The following TMEM108 variants were observed in gnomAD, a reference collection of about 807,000 sequenced individuals.
TMEM108 encodes the protein transmembrane protein 108, also known as cancer/testis antigen 124.
TMEM108 carries 12 observed loss-of-function variants against 35.1 expected under a neutral mutation model. The observed-to-expected ratio is 0.34, with a 90% CI of 0.22 to 0.55. TMEM108 has a LOEUF of 0.55. TMEM108 is among the 20% of genes least tolerant of loss of function. The probability of loss-of-function intolerance (pLI) is 0.89; values close to 1 mark genes in which losing one functional copy is unlikely to be tolerated. For missense variants in TMEM108, 680 were observed against 753.3 expected, an observed-to-expected ratio of 0.90 and a Z score of 1.14; for synonymous variants, 287 against 308.6, an observed-to-expected ratio of 0.93 and a Z score of 0.73.
chr3:133,092,632 A>G (rs1442998100), intron 2 of TMEM108, among the ~76,000 whole-genome samples: 1 of 152,184 alleles, frequency 6.6e-6, no homozygotes, highest in African/African-American at 2.4e-5. Flanking sequence ...TTTTCACTTA[A>G]GATTAAATCC....
chr3:133,381,341 A>G (rs948977883), intron 4 of TMEM108, among the ~76,000 whole-genome samples, 180 bp downstream of exon 4: 3 of 152,210 alleles, frequency 2.0e-5, no homozygotes, highest in Non-Finnish European at 2.9e-5. Flanking sequence ...CTGCCTGGCC[A>G]TGGCTTGAAT....
At chr3:133,388,793 C>T (rs939034130) in intron 4 of TMEM108, 15 of 985,250 alleles carry the variant, frequency 1.5e-5, no homozygotes, top group Non-Finnish European at 1.8e-5. Context: ...GGGCTCTGGG[C>T]TGTGAGGTCT....
intron 3 of TMEM108, among the ~76,000 whole-genome samples, chr3:133,281,386 A>G (rs6439400): frequency 0.47 from 71,085 of 152,066 alleles, 17,458 homozygotes; most frequent in South Asian, 0.56. Context: ...ATGTGGTTTC[A>G]CCAAAAAACC....
At chr3:133,249,974 ACTATGTTGCC>A in intron 3 of TMEM108, among the ~76,000 whole-genome samples, 1 of 152,322 alleles carries the variant, frequency 6.6e-6, no homozygotes, top group Non-Finnish European at 1.5e-5. Flanking sequence ...AAAGGGTCTC[ACTATGTTGCC>A]CAGGCTGGCC....
At chr3:133,344,750 G>A (rs1009199103) in intron 3 of TMEM108, among the ~76,000 whole-genome samples, 10 of 151,734 alleles carry the variant, frequency 6.6e-5, no homozygotes, top group Non-Finnish European at 1.3e-4. Context: ...AATTTGGTAT[G>A]AGAAAAGTAT....
intron 2 of TMEM108, among the ~76,000 whole-genome samples, chr3:133,055,757 A>G (rs1011684700): frequency 7.9e-5 from 12 of 152,280 alleles, no homozygotes; most frequent in Admixed American, 5.9e-4. Context: ...ACCCATTCCT[A>G]TCAGCACACC....
intron 2 of TMEM108, among the ~76,000 whole-genome samples, chr3:133,217,695 T>G (rs1029175275): frequency 1.3e-5 from 2 of 152,004 alleles, no homozygotes; most frequent in Admixed American, 1.3e-4. Flanking sequence ...GTCCTTTCCC[T>G]GTTAATGTGT....
intron 3 of TMEM108, chr3:133,246,867 G>T (rs1475487306): frequency 6.6e-6 from 1 of 152,212 alleles, no homozygotes; most frequent in South Asian, 2.1e-4. Context: ...AACTCCAAAG[G>T]AAATTGTTTC....
Position 133,215,455 on chromosome 3 carries a change from G to A in TMEM108, c.-46-13811G>A, listed in dbSNP as rs117310850. ...AACAAGAAAGATGGAGCATCACCTTGTTCATCTTAAGCTGGGAATGTATGC... is the reference window on the plus strand; with the variant it reads ...AACAAGAAAGATGGAGCATCACCTTATTCATCTTAAGCTGGGAATGTATGC... On this transcript the variant is annotated intron_variant, in intron 2 of 5. Transcript: ENST00000321871. Among the ~76,000 whole-genome samples the A allele has an allele frequency of 6.1e-4, 92 of 151,364 alleles. 2 individuals carry two copies. In the East Asian group the frequency reaches 0.013, roughly 21 times the overall value.
intron 3 of TMEM108, among the ~76,000 whole-genome samples, chr3:133,286,694 C>A (rs1309128889): frequency 1.3e-5 from 2 of 152,200 alleles, no homozygotes; most frequent in Non-Finnish European, 2.9e-5. Flanking sequence ...ATGTTCCTAC[C>A]TCTATGAACC....
At chr3:133,252,742 G>A (rs916301399) in intron 3 of TMEM108, among the ~76,000 whole-genome samples, 4 of 152,074 alleles carry the variant, frequency 2.6e-5, no homozygotes, top group African/African-American at 9.7e-5. Context: ...CTGAACCTCC[G>A]AACTTCTGAT....
chr3:133,353,900 C>G (rs1426307936), intron 3 of TMEM108, among the ~76,000 whole-genome samples: 2 of 152,206 alleles, frequency 1.3e-5, no homozygotes, highest in African/African-American at 4.8e-5. Flanking sequence ...CAGGCAGGCA[C>G]ATGGTCTCTT....
chr3:133,227,284 C>CCT (rs1946087496), intron 2 of TMEM108, among the ~76,000 whole-genome samples: 1 of 145,708 alleles, frequency 6.9e-6, no homozygotes, highest in Non-Finnish European at 1.5e-5. Context: ...GCTCCGCCCC[C>CCT]TGGGGTTCAC....
intron 2 of TMEM108, among the ~76,000 whole-genome samples, chr3:133,202,061 C>G (rs1165174576): frequency 6.6e-6 from 1 of 152,182 alleles, no homozygotes; most frequent in African/African-American, 2.4e-5. Context: ...TGATGATGAA[C>G]TTTTTCTCGT....
rs137929073 is a variant in TMEM108 at position 133,335,357 on chromosome 3, C to T, written c.41-44395C>T. ...TTTTTAAATCAAAAAAAGCAAAAGT[C>T]AGAACAAGGTAGTAGTGGCACTATT... On this transcript the variant is annotated intron_variant, in intron 3 of 5. Coordinates refer to ENST00000321871, the MANE Select transcript of TMEM108 (RefSeq NM_023943.4). Among the ~76,000 whole-genome samples, 27 of 152,070 alleles carry T rather than the reference C, an allele frequency of 1.8e-4. No individual in the cohort carries two copies. In the East Asian group the frequency reaches 3.9e-3, roughly 22 times the overall value.
intron 2 of TMEM108, among the ~76,000 whole-genome samples, chr3:133,104,992 G>A (rs1428648126): frequency 6.6e-6 from 1 of 152,180 alleles, no homozygotes; most frequent in South Asian, 2.1e-4. Context: ...GGAAAGAAGA[G>A]TACTGCTTCC....
At chr3:133,308,900 C>G (rs1374092036) in intron 3 of TMEM108, among the ~76,000 whole-genome samples, 1 of 152,160 alleles carries the variant, frequency 6.6e-6, no homozygotes, top group Non-Finnish European at 1.5e-5. Context: ...AGGATTCTCT[C>G]TTTTTCTATT....
Position 133,380,235 on chromosome 3 carries a change from G to T in TMEM108, c.524G>T (p.Gly175Val). The change falls in exon 4 of 6, where the codon GGG (glycine) becomes GTG (valine). Residue 175 changes from glycine (G) to valine (V), a missense_variant. Gly to Val is a moderately radical substitution (Grantham distance 109). Around this residue, in one of 3 missense-constraint regions of TMEM108, gnomAD observed 526 missense variants for 532.1 expected, o/e 0.99. Coordinates refer to ENST00000321871, the MANE Select transcript of TMEM108 (RefSeq NM_023943.4). This position sits in a 1 kb window ranked among gnomAD's most constrained non-coding sequence, Gnocchi z 5.3. ...AGGCCCCCAGGCTCTTCCCGAAAAG[G>T]GGCTGGTAATTCATCACGCCCTGTC... is the stretch of plus-strand genomic sequence containing the variant. ...PPRPPGSSRK[G>V]AGNSSRPVPP... 1 of 1,613,554 alleles carries T rather than the reference G, an allele frequency of 6.2e-7. No individual in the cohort carries two copies. The highest frequency in any genetic ancestry group is 8.5e-7 in the Non-Finnish European group (1 of 1,179,788).
intron 2 of TMEM108, among the ~76,000 whole-genome samples, chr3:133,082,678 G>T (rs1943827764): frequency 6.6e-6 from 1 of 151,914 alleles, no homozygotes; most frequent in Non-Finnish European, 1.5e-5. Context: ...TTGAGACAGG[G>T]TCTCACCCTG....
Sources: allele counts gnomAD v4.1 joint callset (sites outside exome capture counted in the v4.1 genomes callset), GRCh38; gene constraint gnomAD v4.1.1; regional missense constraint gnomAD v4.1.1; non-coding constraint Gnocchi (gnomAD v3.1); transcripts MANE v1.5; gene names NCBI Gene and HGNC (gene_info 2026-07-23, HGNC 2026-07-21).